Variants in ASRGL1 observed in about 807,000 individuals in gnomAD.
ASRGL1 encodes asparaginase and isoaspartyl peptidase 1.
A neutral mutation model predicts 22.4 loss-of-function variants in ASRGL1; 16 were observed. That is an observed-to-expected ratio of 0.71 (90% CI 0.48 to 1.08). ASRGL1 has a LOEUF of 1.08. ASRGL1 is among the 50% of genes least tolerant of loss of function. The pLI, the probability that ASRGL1 is intolerant of heterozygous loss-of-function variation, is 0.00. For synonymous variants in ASRGL1, 165 were observed against 159.3 expected (o/e 1.04, Z -0.27); for missense variants, 412 against 410.1 (o/e 1.00, Z -0.04).
At chr11:62,358,372 A>G (rs1400046735) in intron 4 of ASRGL1, among the ~76,000 whole-genome samples, 2 of 5,146 alleles carry the variant, frequency 3.9e-4, no homozygotes, top group Non-Finnish European at 1.5e-3. Context: ...TCCGTCTCAG[A>G]AAAAAAAAAA....
intron 4 of ASRGL1, among the ~76,000 whole-genome samples, chr11:62,362,323 GA>G (rs890322788): frequency 7.3e-5 from 11 of 150,008 alleles, no homozygotes; most frequent in African/African-American, 2.7e-4. Flanking sequence ...TAGATAAGAA[GA>G]ATTCAGCAAA....
chr11:62,355,560 A>G (rs1322406218), intron 2 of ASRGL1, among the ~76,000 whole-genome samples: 2 of 152,006 alleles, frequency 1.3e-5, no homozygotes, highest in African/African-American at 2.4e-5. Flanking sequence ...TCCTCTGGCA[A>G]TGGAATAGAG....
In ASRGL1 at chr11:62,388,042, T is replaced by G. The variant is rs894099004; in HGVS notation, c.492-1091T>G. Among the ~76,000 whole-genome samples, 6 of 152,210 alleles carry G rather than the reference T, an allele frequency of 3.9e-5. 1 individual carries two copies. The highest frequency in any genetic ancestry group is 4.1e-4 in the South Asian group (2 of 4,836). ...CACAAACCCAGATAGGAGAGACTAA[T>G]ACACATCTAGGCTATGTGGTCCGGC... is the stretch of plus-strand genomic sequence containing the variant. On this transcript the variant is annotated intron_variant, in intron 4 of 6. Coordinates refer to ENST00000415229, the MANE Select transcript of ASRGL1 (RefSeq NM_001083926.2).
At chr11:62,367,496 G>A (rs922144842) in intron 4 of ASRGL1, among the ~76,000 whole-genome samples, 1 of 149,944 alleles carries the variant, frequency 6.7e-6, no homozygotes, top group African/African-American at 2.5e-5. Flanking sequence ...AATACAAAAT[G>A]AGTTGGGCGT....
chr11:62,371,953 CAAAAAAAAAA>C (rs35892721), intron 4 of ASRGL1: 20 of 423,290 alleles, frequency 4.7e-5, no homozygotes, highest in South Asian at 3.7e-4. Context: ...GACTCCGTCT[CAAAAAAAAAA>C]AAAAAAAAAA....
intron 4 of ASRGL1, among the ~76,000 whole-genome samples, chr11:62,388,353 G>A (rs1241477621): frequency 6.6e-6 from 1 of 152,110 alleles, no homozygotes. Flanking sequence ...CAGCATCAGC[G>A]ACACCCGGGA....
chr11:62,392,053 G>A, intron 6 of ASRGL1, 26 bp from the exon 7 acceptor site: 1 of 1,609,652 alleles, frequency 6.2e-7, no homozygotes. Context: ...AATGTGTGTT[G>A]TTTCTCAACC....
chr11:62,355,415 C>T (rs1269494038), intron 2 of ASRGL1, among the ~76,000 whole-genome samples: 3 of 150,068 alleles, frequency 2.0e-5, no homozygotes, highest in Non-Finnish European at 3.0e-5. Context: ...TTAGTAGAGA[C>T]GGGGTTTCAC....
intron 4 of ASRGL1, among the ~76,000 whole-genome samples, chr11:62,365,999 C>T (rs1002894958): frequency 1.3e-5 from 2 of 149,454 alleles, no homozygotes; most frequent in Admixed American, 6.7e-5. Flanking sequence ...GTGGCTTATG[C>T]CTGTAATCCT....
At chr11:62,380,117 T>G (rs1227642491) in intron 4 of ASRGL1, among the ~76,000 whole-genome samples, 1 of 152,140 alleles carries the variant, frequency 6.6e-6, no homozygotes, top group Non-Finnish European at 1.5e-5. Context: ...CAACTCCCAT[T>G]ATTGCTTGAG....
intron 2 of ASRGL1, among the ~76,000 whole-genome samples, chr11:62,354,360 A>G (rs1946229849): frequency 6.6e-6 from 1 of 152,156 alleles, no homozygotes; most frequent in African/African-American, 2.4e-5. Context: ...AGTGCCTGAA[A>G]CCACCAATGG....
intron 2 of ASRGL1, among the ~76,000 whole-genome samples, chr11:62,344,143 A>G (rs986967221): frequency 5.9e-5 from 9 of 151,726 alleles, no homozygotes; most frequent in Admixed American, 3.9e-4. Flanking sequence ...TGATCCACAC[A>G]CCTCAGCCTC....
intron 2 of ASRGL1, among the ~76,000 whole-genome samples, chr11:62,339,396 C>A (rs1310762426): frequency 6.6e-6 from 1 of 152,142 alleles, no homozygotes; most frequent in African/African-American, 2.4e-5. Context: ...TGTCCTACCT[C>A]CCCCGACAAG....
At chr11:62,388,669 CAA>C (rs772803061) in intron 4 of ASRGL1, among the ~76,000 whole-genome samples, 4 of 62,822 alleles carry the variant, frequency 6.4e-5, no homozygotes, top group Admixed American at 1.7e-4. Context: ...GACTTCATCT[CAA>C]AAAAAAAAAA....
chr11:62,364,472 A>T (rs917334922), intron 4 of ASRGL1, among the ~76,000 whole-genome samples: 2 of 152,158 alleles, frequency 1.3e-5, no homozygotes, highest in African/African-American at 4.8e-5. Context: ...CTACCTTATA[A>T]CCCAGCAATC....
At chr11:62,343,792 G>A (rs547839327) in intron 2 of ASRGL1, among the ~76,000 whole-genome samples, 1 of 151,282 alleles carries the variant, frequency 6.6e-6, no homozygotes, top group South Asian at 2.1e-4. Flanking sequence ...TAACTAGTGA[G>A]TGTCAGCATT....
At chr11:62,352,456 C>CA (rs1946190218) in intron 2 of ASRGL1, among the ~76,000 whole-genome samples, 1 of 152,082 alleles carries the variant, frequency 6.6e-6, no homozygotes, top group Admixed American at 6.6e-5. Flanking sequence ...TATGGTGGCG[C>CA]ACCTGTAATC....
chr11:62,352,433 A>G (rs568344309), intron 2 of ASRGL1, among the ~76,000 whole-genome samples: 1 of 152,258 alleles, frequency 6.6e-6, no homozygotes, highest in African/African-American at 2.4e-5. Context: ...TAAAAATATA[A>G]AAATTAGCCG....
At chr11:62,368,611 G>A (rs1317784045) in intron 4 of ASRGL1, among the ~76,000 whole-genome samples, 2 of 152,080 alleles carry the variant, frequency 1.3e-5, no homozygotes, top group African/African-American at 2.4e-5. Flanking sequence ...GGGGACCGGC[G>A]CTCAGCGTAC....
Sources: gnomAD v4.1 joint callset for allele counts (sites outside exome capture counted in the v4.1 genomes callset) on GRCh38, gnomAD v4.1.1 for gene constraint, MANE v1.5 for transcripts, NCBI Gene and HGNC (gene_info 2026-07-23, HGNC 2026-07-21) for gene names.